ZFPM2: variants seen among roughly 807,000 people sequenced by gnomAD.
ZFPM2 encodes zinc finger protein ZFPM2.
In ZFPM2, 20 loss-of-function variants were observed where a neutral mutation model predicts 98.6. The ratio of observed to expected loss-of-function variants is 0.20; its 90% confidence interval spans 0.14 to 0.29. The LOEUF (loss-of-function observed/expected upper bound fraction) is 0.29, where lower values mean the gene tolerates loss of function less well. Ranked by LOEUF, ZFPM2 falls within the 10% of genes least tolerant of loss-of-function variation. The probability of loss-of-function intolerance (pLI) is 1.00; values close to 1 mark genes in which losing one functional copy is unlikely to be tolerated. For missense variants in ZFPM2, 1,310 were observed against 1,388.6 expected (o/e 0.94, Z 0.90); for synonymous variants, 518 against 502.7 (o/e 1.03, Z -0.41).
intron 4 of ZFPM2, among the ~76,000 whole-genome samples, chr8:105,628,190 T>C (rs1816693584): frequency 2.6e-5 from 4 of 152,184 alleles, no homozygotes. Context: ...TTTCTAGTCA[T>C]AGATGCTACC....
intron 5 of ZFPM2, among the ~76,000 whole-genome samples, chr8:105,718,020 T>G (rs2130989876): frequency 6.6e-6 from 1 of 151,862 alleles, no homozygotes; most frequent in East Asian, 2.0e-4. Context: ...TGTGTGACCT[T>G]GAGTAAGTCA....
At chr8:105,486,484 G>A (rs1297353222) in intron 3 of ZFPM2, among the ~76,000 whole-genome samples, 1 of 152,022 alleles carries the variant, frequency 6.6e-6, no homozygotes, top group East Asian at 1.9e-4. Flanking sequence ...GCCCTTGGAA[G>A]ATTGTTCCTG....
chr8:105,487,388 G>A (rs1484677286), intron 3 of ZFPM2, among the ~76,000 whole-genome samples: 1 of 151,998 alleles, frequency 6.6e-6, no homozygotes, highest in Non-Finnish European at 1.5e-5. Flanking sequence ...CAAAGTATTG[G>A]GATTACAGGT....
chr8:105,330,573 TATATATAC>T (rs1563606636), intron 1 of ZFPM2, among the ~76,000 whole-genome samples: 34 of 100,210 alleles, frequency 3.4e-4, no homozygotes, highest in African/African-American at 9.3e-4. Flanking sequence ...TATATACATA[TATATATAC>T]ATATATATAT....
intron 3 of ZFPM2, among the ~76,000 whole-genome samples, chr8:105,535,169 G>A (rs1308610501): frequency 6.6e-6 from 1 of 152,108 alleles, no homozygotes; most frequent in African/African-American, 2.4e-5. Flanking sequence ...ACTACTTTAT[G>A]TTACGATCCA....
intron 4 of ZFPM2, among the ~76,000 whole-genome samples, chr8:105,582,559 G>A (rs1815624978): frequency 6.6e-6 from 1 of 152,138 alleles, no homozygotes; most frequent in African/African-American, 2.4e-5. Flanking sequence ...TACTGAGAAT[G>A]TAACAAAATA....
chr8:105,548,816 A>T (rs1019133439), intron 3 of ZFPM2, among the ~76,000 whole-genome samples: 6 of 152,210 alleles, frequency 3.9e-5, no homozygotes, highest in Admixed American at 3.3e-4. Flanking sequence ...TAATTATCTC[A>T]CCATTAGAGT....
chr8:105,749,810 AG>A (rs1320934893), intron 5 of ZFPM2, among the ~76,000 whole-genome samples: 1 of 151,958 alleles, frequency 6.6e-6, no homozygotes, highest in Non-Finnish European at 1.5e-5. Flanking sequence ...GAGTGGAGGA[AG>A]GGGGGCAGAA....
intron 5 of ZFPM2, among the ~76,000 whole-genome samples, chr8:105,687,922 G>A (rs1810778772): frequency 6.6e-6 from 1 of 151,996 alleles, no homozygotes; most frequent in African/African-American, 2.4e-5. Context: ...AAATTTTTAA[G>A]CTCTGAGGGC....
intron 3 of ZFPM2, among the ~76,000 whole-genome samples, chr8:105,473,906 T>C (rs1486203193): frequency 6.6e-6 from 1 of 152,156 alleles, no homozygotes; most frequent in Non-Finnish European, 1.5e-5. Context: ...TAGTTTTCAA[T>C]AGTGGGGAGA....
At chr8:105,791,462 C>A (rs1813609635) in intron 6 of ZFPM2, among the ~76,000 whole-genome samples, 1 of 151,942 alleles carries the variant, frequency 6.6e-6, no homozygotes, top group South Asian at 2.1e-4. Flanking sequence ...GGTGGATAAG[C>A]TTTTTGATGT....
chr8:105,511,780 G>A (rs1444412113), intron 3 of ZFPM2, among the ~76,000 whole-genome samples: 1 of 152,196 alleles, frequency 6.6e-6, no homozygotes, highest in Non-Finnish European at 1.5e-5. Context: ...CACTTGGTCA[G>A]TTCAGACCAA....
chr8:105,781,144 T>C (rs1280169277), intron 5 of ZFPM2, among the ~76,000 whole-genome samples: 3 of 152,194 alleles, frequency 2.0e-5, no homozygotes, highest in Admixed American at 2.0e-4. Flanking sequence ...ACTGATTTGA[T>C]GGCTCTTGGG....
At chr8:105,533,635 C>T (rs1249017473) in intron 3 of ZFPM2, among the ~76,000 whole-genome samples, 3 of 151,316 alleles carry the variant, frequency 2.0e-5, no homozygotes, top group Non-Finnish European at 4.4e-5. Flanking sequence ...CTCCTTAGGC[C>T]CTTTCCCTCC....
chr8:105,514,307 CTTTTTT>C (rs56955237), intron 3 of ZFPM2, among the ~76,000 whole-genome samples: 6 of 127,546 alleles, frequency 4.7e-5, no homozygotes, highest in African/African-American at 9.6e-5. Flanking sequence ...CTGGTCGTGT[CTTTTTT>C]TTTTTTTTTT....
intron 5 of ZFPM2, among the ~76,000 whole-genome samples, chr8:105,765,858 A>AT (rs1405060671): frequency 6.6e-6 from 1 of 151,916 alleles, no homozygotes; most frequent in Non-Finnish European, 1.5e-5. Flanking sequence ...TGTTTCTGAA[A>AT]TTTTTGGCAA....
chr8:105,497,747 G>A (rs2622633), intron 3 of ZFPM2, among the ~76,000 whole-genome samples: 36,752 of 151,992 alleles, frequency 0.24, 4,569 homozygotes, highest in South Asian at 0.3. Context: ...TGGTCGATAG[G>A]CGGTAGTGAG....
chr8:105,506,164 C>G (rs945277420), intron 3 of ZFPM2, among the ~76,000 whole-genome samples: 3 of 152,122 alleles, frequency 2.0e-5, no homozygotes, highest in Admixed American at 6.5e-5. Flanking sequence ...GAGCAGCAAG[C>G]AGTGAGCACT....
intron 2 of ZFPM2, among the ~76,000 whole-genome samples, chr8:105,431,514 C>G (rs947987204): frequency 4.6e-5 from 7 of 152,018 alleles, no homozygotes; most frequent in Admixed American, 1.3e-4. Flanking sequence ...TCCTGGATAT[C>G]GTAGAATTTA....
Sources: allele counts gnomAD v4.1 joint callset (sites outside exome capture counted in the v4.1 genomes callset), GRCh38; gene constraint gnomAD v4.1.1; transcripts MANE v1.5; gene names NCBI Gene and HGNC (gene_info 2026-07-23, HGNC 2026-07-21).